Variants in TSGA10 observed in about 807,000 individuals in gnomAD.
The protein encoded by TSGA10 is testis specific 10, also known as testis-specific gene 10 protein.
TSGA10 carries 43 observed loss-of-function variants against 96.6 expected under a neutral mutation model. The ratio of observed to expected loss-of-function variants is 0.44; its 90% CI spans 0.35 to 0.57. The LOEUF is 0.57. Among genes scored for constraint, TSGA10 ranks in the 20% least tolerant of loss-of-function variants. The probability of loss-of-function intolerance (pLI) is 0.01; values close to 1 mark genes in which losing one functional copy is unlikely to be tolerated. For synonymous variants in TSGA10, 229 were observed against 269.9 expected, an observed-to-expected ratio of 0.85 and a Z score of 1.48; for missense variants, 703 against 834.4, an observed-to-expected ratio of 0.84 and a Z score of 1.94.
chr2:99,012,896 G>C (rs1213079362), intron 20 of TSGA10, among the ~76,000 whole-genome samples: 2 of 152,124 alleles, frequency 1.3e-5, no homozygotes, highest in Admixed American at 6.5e-5. Context: ...TCAGCACATG[G>C]AACAATCTCC....
At chr2:99,041,352 A>G (rs1452612399) in intron 16 of TSGA10, among the ~76,000 whole-genome samples, 2 of 152,172 alleles carry the variant, frequency 1.3e-5, no homozygotes, top group Non-Finnish European at 2.9e-5. Context: ...ACACCAGGGA[A>G]CAAGCATTTC....
At chr2:99,066,866 C>T (rs965644318) in intron 15 of TSGA10, among the ~76,000 whole-genome samples, 11 of 152,142 alleles carry the variant, frequency 7.2e-5, no homozygotes, top group Admixed American at 5.9e-4. Flanking sequence ...TGCAACACTC[C>T]GTAGGCCTCA....
At chr2:99,014,234 T>G (rs1259079126) in intron 20 of TSGA10, among the ~76,000 whole-genome samples, 1 of 151,580 alleles carries the variant, frequency 6.6e-6, no homozygotes, top group Non-Finnish European at 1.5e-5. Context: ...ACTTGGGAGG[T>G]TGAGGCAGGA....
intron 20 of TSGA10, among the ~76,000 whole-genome samples, chr2:98,998,638 T>C (rs997710340): frequency 6.6e-6 from 1 of 152,172 alleles, no homozygotes; most frequent in Non-Finnish European, 1.5e-5. Context: ...TTGGTGCTGA[T>C]GGAACAACTT....
At chr2:99,131,506 T>C (rs2093082273) in intron 1 of TSGA10, among the ~76,000 whole-genome samples, 1 of 152,206 alleles carries the variant, frequency 6.6e-6, no homozygotes, top group Non-Finnish European at 1.5e-5. Context: ...CTTATCAGCT[T>C]AAGGAGATTT....
At chr2:99,121,897 A>G (rs2092593425) in intron 2 of TSGA10, among the ~76,000 whole-genome samples, 1 of 152,202 alleles carries the variant, frequency 6.6e-6, no homozygotes, top group Non-Finnish European at 1.5e-5. Flanking sequence ...ACCTCCTAAA[A>G]GTCTCATAGT....
At chr2:99,136,420 T>G (rs2093327986) in intron 1 of TSGA10, among the ~76,000 whole-genome samples, 1 of 152,060 alleles carries the variant, frequency 6.6e-6, no homozygotes, top group African/African-American at 2.4e-5. Context: ...AACAAATAAA[T>G]CAGAAATTAC....
In TSGA10 at chr2:99,118,440, G is replaced by A. The variant is rs138878236; in HGVS notation, c.-356+111C>T. 1,843 of 304,218 alleles carry A rather than the reference G, an allele frequency of 6.1e-3. 44 individuals are homozygous for A. Among genetic ancestry groups the A allele is most frequent in the African/African-American group, 0.048 (1,744 of 36,374 alleles). 18.8% of individuals were successfully genotyped at this position (304,218 alleles called of 1,614,324 possible). A position where few individuals can be genotyped will look rare whatever the true frequency, so the allele number is the denominator to read the frequency against. Reference sequence around the variant, plus strand: ...CACTCCAGCCTTGGTGACACAGCAAGACTCTATCTCAAAAAAAAAAAAAAA... The same window carrying A: ...CACTCCAGCCTTGGTGACACAGCAAAACTCTATCTCAAAAAAAAAAAAAAA... On this transcript the variant is annotated intron_variant, in intron 3 of 20. Coordinates refer to ENST00000393483, the MANE Select transcript of TSGA10 (RefSeq NM_025244.4).
intron 1 of TSGA10, among the ~76,000 whole-genome samples, chr2:99,136,641 CA>C (rs1227931459): frequency 5.7e-5 from 4 of 70,060 alleles, no homozygotes; most frequent in African/African-American, 1.6e-4. Context: ...ACTAAAAATA[CA>C]AAAAAAATTA....
At chr2:99,095,660 C>G (rs1010618792) in intron 10 of TSGA10, among the ~76,000 whole-genome samples, 2 of 152,014 alleles carry the variant, frequency 1.3e-5, no homozygotes, top group East Asian at 1.9e-4. Context: ...TACAAAAGAT[C>G]AGACAGAGTT....
At chr2:99,144,459 A>G (rs1379043330) in intron 1 of TSGA10, among the ~76,000 whole-genome samples, 1 of 151,800 alleles carries the variant, frequency 6.6e-6, no homozygotes, top group African/African-American at 2.4e-5. Context: ...TCCAATATCT[A>G]AAAGCCATTG....
chr2:99,084,401 C>G (rs747463659), intron 10 of TSGA10, among the ~76,000 whole-genome samples: 1 of 151,946 alleles, frequency 6.6e-6, no homozygotes, highest in Non-Finnish European at 1.5e-5. Context: ...CTAGTTAGTT[C>G]ACATGAGATC....
intron 1 of TSGA10, among the ~76,000 whole-genome samples, chr2:99,138,412 TTTGTC>T (rs2093409989): frequency 6.6e-6 from 1 of 152,174 alleles, no homozygotes; most frequent in Non-Finnish European, 1.5e-5. Context: ...GCTCTAGGCT[TTTGTC>T]TTGTCTCTGT....
At chr2:99,028,757 T>C (rs1462021072) in intron 17 of TSGA10, among the ~76,000 whole-genome samples, 3 of 152,208 alleles carry the variant, frequency 2.0e-5, no homozygotes, top group Non-Finnish European at 4.4e-5. Context: ...CATGGTTCTC[T>C]ATTCAACTTC....
chr2:99,048,676 G>A (rs961769436), intron 16 of TSGA10, among the ~76,000 whole-genome samples: 1 of 152,090 alleles, frequency 6.6e-6, no homozygotes, highest in Non-Finnish European at 1.5e-5. Flanking sequence ...CATGGGCAAG[G>A]ACTTCATGAC....
chr2:99,104,205 G>C lies in TSGA10; in HGVS notation c.460-87C>G, dbSNP rs2091086920. On this transcript the variant is annotated intron_variant, in intron 9 of 20. Transcript: ENST00000393483. ...AGGGCATACTCCCTCTGTACAAACT[G>C]GTTTATGGCAAGACTGACAGGATGA... 17 of 1,448,910 alleles carry C rather than the reference G, an allele frequency of 1.2e-5. No individual in the cohort carries two copies. In the Admixed American group the frequency reaches 3.3e-4, roughly 28 times the overall value. 89.8% of individuals were successfully genotyped at this position (1,448,910 alleles called of 1,614,324 possible). A position where few individuals can be genotyped will look rare whatever the true frequency, so the allele number is the denominator to read the frequency against.
At chr2:99,057,552 C>T (rs1329807048) in intron 16 of TSGA10, among the ~76,000 whole-genome samples, 1 of 151,926 alleles carries the variant, frequency 6.6e-6, no homozygotes, top group Non-Finnish European at 1.5e-5. Flanking sequence ...ACAAGAAGAC[C>T]TAACTTATAC....
At chr2:99,009,750 T>G (rs145840043) in intron 20 of TSGA10, among the ~76,000 whole-genome samples, 1 of 152,056 alleles carries the variant, frequency 6.6e-6, no homozygotes, top group African/African-American at 2.4e-5. Context: ...AAAGAACATA[T>G]ATATAAGTAA....
At chr2:99,126,637 A>AGTT (rs1304494589) in intron 2 of TSGA10, 1 of 159,250 alleles carries the variant, frequency 6.3e-6, no homozygotes, top group African/African-American at 2.4e-5. Flanking sequence ...GAGAACAGGA[A>AGTT]CAATACTGAA....
Sources: allele counts gnomAD v4.1 joint callset (sites outside exome capture counted in the v4.1 genomes callset), GRCh38; gene constraint gnomAD v4.1.1; transcripts MANE v1.5; gene names NCBI Gene and HGNC (gene_info 2026-07-23, HGNC 2026-07-21).